The following PIEZO2 variants were observed in gnomAD, a reference collection of about 807,000 sequenced individuals.
PIEZO2 encodes the protein piezo-type mechanosensitive ion channel component 2.
Under a neutral mutation model 337.3 loss-of-function variants are expected in PIEZO2, and 172 were observed. The ratio of observed to expected loss-of-function variants is 0.51; its 90% CI spans 0.45 to 0.58. The LOEUF (loss-of-function observed/expected upper bound fraction) is 0.58. PIEZO2 is among the 20% of genes least tolerant of loss of function. The probability of loss-of-function intolerance (pLI) is 0.00; values close to 1 mark genes in which losing one functional copy is unlikely to be tolerated. For missense variants in PIEZO2, 3,028 were observed against 3,391.3 expected (o/e 0.89, Z 2.66); for synonymous variants, 1,251 against 1,228.5 (o/e 1.02, Z -0.38).
At chr18:10,785,585 G>C (rs2039191312) in intron 16 of PIEZO2, among the ~76,000 whole-genome samples, 1 of 152,062 alleles carries the variant, frequency 6.6e-6, no homozygotes, top group African/African-American at 2.4e-5. Flanking sequence ...TAGTATCCCT[G>C]AACCAATAAA....
chr18:10,710,068 G>C (rs958524561), intron 39 of PIEZO2, among the ~76,000 whole-genome samples: 1 of 152,178 alleles, frequency 6.6e-6, no homozygotes, highest in Non-Finnish European at 1.5e-5. Context: ...CTGAGATGAG[G>C]GGACTTCGCA....
intron 52 of PIEZO2, among the ~76,000 whole-genome samples, chr18:10,678,450 T>A (rs1323682439): frequency 6.6e-6 from 1 of 152,164 alleles, no homozygotes; most frequent in Non-Finnish European, 1.5e-5. Flanking sequence ...GTATTTTTTT[T>A]AACTGTTTCC....
chr18:10,920,708 T>C (rs2031334727), intron 3 of PIEZO2, among the ~76,000 whole-genome samples: 1 of 152,050 alleles, frequency 6.6e-6, no homozygotes, highest in Non-Finnish European at 1.5e-5. Context: ...ATTAAGAATA[T>C]TTAAAAAGCA....
chr18:10,915,847 T>C (rs1026527779), intron 3 of PIEZO2, among the ~76,000 whole-genome samples: 2 of 152,156 alleles, frequency 1.3e-5, no homozygotes, highest in African/African-American at 4.8e-5. Flanking sequence ...TCGCAGTGAC[T>C]ATTACAGTTC....
chr18:10,940,246 G>GT lies in PIEZO2; in HGVS notation c.287-29019dup, dbSNP rs1302759248. Among the ~76,000 whole-genome samples the GT allele has an allele frequency of 6.6e-6, 1 of 152,202 alleles. No homozygotes were observed. Among genetic ancestry groups the GT allele is most frequent in the Non-Finnish European group, 1.5e-5 (1 of 68,048 alleles). Reference sequence around the variant, plus strand: ...ATATTCAAGATGCGTGAATTAGTGAGTACCTCATAAAGCCCTGGCATGAAT... The same window carrying GT: ...ATATTCAAGATGCGTGAATTAGTGAGTTACCTCATAAAGCCCTGGCATGAAT... On this transcript the variant is annotated intron_variant, in intron 3 of 55. Transcript: ENST00000674853. The surrounding 1 kb of genome is among the most constrained non-coding windows in gnomAD (Gnocchi z 5.3).
At chr18:10,939,664 G>A (rs2032615467) in intron 3 of PIEZO2, among the ~76,000 whole-genome samples, 1 of 152,100 alleles carries the variant, frequency 6.6e-6, no homozygotes, top group African/African-American at 2.4e-5. Context: ...AACTAACACA[G>A]GAACAGAAAA....
At chr18:11,056,345 C>T (rs114535480) in intron 2 of PIEZO2, among the ~76,000 whole-genome samples, 290 of 152,292 alleles carry the variant, frequency 1.9e-3, no homozygotes, top group African/African-American at 6.5e-3. Context: ...GGCTCAGTCC[C>T]AAATCACTCC....
Position 10,716,180 on chromosome 18 carries a change from T to C in PIEZO2, c.5090-364A>G, listed in dbSNP as rs2036004152. 6.6e-6 allele frequency among the ~76,000 whole-genome samples: 1 copy of C among 152,148 alleles called. No homozygotes were observed. Among genetic ancestry groups the C allele is most frequent in the Admixed American group, 6.5e-5 (1 of 15,268 alleles). On this transcript the variant is annotated intron_variant, in intron 37 of 55. Coordinates refer to ENST00000674853, the MANE Select transcript of PIEZO2 (RefSeq NM_001378183.1). This position sits in a 1 kb window ranked among gnomAD's most constrained non-coding sequence, Gnocchi z 4.1. ...CTCCAAATGTGCCTGCCTCTTCTGT[T>C]TCCCCTTCCACCTTCTCTCCTCCAC...
Position 10,773,769 on chromosome 18 carries a change from T to C in PIEZO2, c.2568-140A>G. ...CACAAGGTGGGGTGTTAGCGTTTTG[T>C]CACTTTCTTTTTGGTTGGTTTGTTT... On this transcript the variant is annotated intron_variant, in intron 19 of 55. Coordinates refer to ENST00000674853, the MANE Select transcript of PIEZO2 (RefSeq NM_001378183.1). This position sits in a 1 kb window ranked among gnomAD's most constrained non-coding sequence, Gnocchi z 5.3. 1 of 807,626 alleles carries C rather than the reference T, an allele frequency of 1.2e-6. No individual in the cohort carries two copies. The highest frequency in any genetic ancestry group is 1.9e-6 in the Non-Finnish European group (1 of 521,928). 50.0% of individuals were successfully genotyped at this position (807,626 alleles called of 1,614,324 possible).
At chr18:10,712,666 A>G (rs2035865684) in intron 39 of PIEZO2, among the ~76,000 whole-genome samples, 1 of 152,244 alleles carries the variant, frequency 6.6e-6, no homozygotes, top group Non-Finnish European at 1.5e-5. Context: ...GTGGAAGGAT[A>G]TGATATTAAA....
chr18:10,961,914 T>C (rs1395400919), intron 3 of PIEZO2, among the ~76,000 whole-genome samples: 1 of 152,046 alleles, frequency 6.6e-6, no homozygotes, highest in Non-Finnish European at 1.5e-5. Context: ...TCCCTAGAGA[T>C]CCATTAATGA....
intron 3 of PIEZO2, among the ~76,000 whole-genome samples, chr18:10,933,638 A>C (rs1280399690): frequency 1.3e-5 from 2 of 152,204 alleles, no homozygotes; most frequent in Admixed American, 1.3e-4. Context: ...GCACACTATC[A>C]CTGTGTGCCA....
chr18:10,930,532 G>A (rs529597348), intron 3 of PIEZO2, among the ~76,000 whole-genome samples: 20 of 152,306 alleles, frequency 1.3e-4, no homozygotes, highest in Non-Finnish European at 2.6e-4. Context: ...AAATCAAGCT[G>A]TAACCTAACC....
At chr18:11,103,316 T>A (rs187539980) in intron 1 of PIEZO2, among the ~76,000 whole-genome samples, 17 of 152,206 alleles carry the variant, frequency 1.1e-4, no homozygotes, top group African/African-American at 4.1e-4. Context: ...AAACAGGTGA[T>A]CTGCTTGCCT....
rs188707317 is a variant in PIEZO2 at position 10,766,169 on chromosome 18, T to A, written c.2947-3071A>T. 6.6e-6 allele frequency among the ~76,000 whole-genome samples: 1 copy of A among 151,962 alleles called. No homozygotes were observed. Among genetic ancestry groups the A allele is most frequent in the East Asian group, 1.9e-4 (1 of 5,150 alleles). ...GTTCTGTTATCTAAAGAGATCATGA[T>A]CTCATCATTTTCCTGATGGTAAGAA... On this transcript the variant is annotated intron_variant, in intron 21 of 55. Transcript: ENST00000674853. The surrounding 1 kb of genome is among the most constrained non-coding windows in gnomAD (Gnocchi z 6.1).
In PIEZO2 at chr18:11,048,842, C is replaced by G. The variant is rs945548867; in HGVS notation, c.160+17285G>C. ...AGCTATACTGTGTTTCCTGTTTATT[C>G]TTCTTATAATTAATAATCTGCACTT... On this transcript the variant is annotated intron_variant, in intron 2 of 55. Coordinates refer to ENST00000674853, the MANE Select transcript of PIEZO2 (RefSeq NM_001378183.1). The surrounding 1 kb of genome is among the most constrained non-coding windows in gnomAD (Gnocchi z 4.5). Among the ~76,000 whole-genome samples, 2 of 152,114 alleles carry G rather than the reference C, an allele frequency of 1.3e-5. No homozygotes were observed. The highest frequency in any genetic ancestry group is 2.9e-5 in the Non-Finnish European group (2 of 68,022).
chr18:11,061,831 G>C (rs1479321901), intron 2 of PIEZO2, among the ~76,000 whole-genome samples: 1 of 152,158 alleles, frequency 6.6e-6, no homozygotes, highest in African/African-American at 2.4e-5. Flanking sequence ...TGGCCATACT[G>C]CCAAAGGTAA....
At chr18:11,090,755 A>G (rs1598944121) in intron 1 of PIEZO2, among the ~76,000 whole-genome samples, 1 of 152,050 alleles carries the variant, frequency 6.6e-6, no homozygotes, top group East Asian at 1.9e-4. Context: ...CTAAAAAAAC[A>G]CAAAAAACTA....
intron 2 of PIEZO2, among the ~76,000 whole-genome samples, chr18:11,046,571 C>T (rs184080802): frequency 6.6e-6 from 1 of 152,376 alleles, no homozygotes; most frequent in East Asian, 1.9e-4. Flanking sequence ...CACACAGCTA[C>T]CTGGCAGGTG....
Sources: gnomAD v4.1 joint callset for allele counts (sites outside exome capture counted in the v4.1 genomes callset) on GRCh38, gnomAD v4.1.1 for gene constraint, Gnocchi (gnomAD v3.1) non-coding constraint, MANE v1.5 for transcripts, NCBI Gene and HGNC (gene_info 2026-07-23, HGNC 2026-07-21) for gene names.